Variants in TASP1 observed in about 807,000 individuals in gnomAD.
TASP1 encodes threonine aspartase 1.
A neutral mutation model predicts 56.6 loss-of-function variants in TASP1; 16 were observed. The ratio of observed to expected loss-of-function variants is 0.28; its 90% CI spans 0.19 to 0.43. The LOEUF is 0.43. Ranked by LOEUF, TASP1 falls within the 20% of genes least tolerant of loss-of-function variation. The pLI is 1.00. For missense variants in TASP1, 393 were observed against 511.6 expected (o/e 0.77, Z 2.24); for synonymous variants, 179 against 184.2 (o/e 0.97, Z 0.23).
intron 8 of TASP1, among the ~76,000 whole-genome samples, chr20:13,551,036 ATATATT>A (rs1466478118): frequency 1.3e-5 from 2 of 152,212 alleles, no homozygotes; most frequent in Non-Finnish European, 2.9e-5. Context: ...AAAGAATAGA[ATATATT>A]TATATGAAGG....
At chr20:13,120,029 T>C in the TASP1 span, among the ~76,000 whole-genome samples, 2 of 152,246 alleles carry the variant, frequency 1.3e-5, no homozygotes, top group Admixed American at 1.3e-4. Context: ...AGTTTCATTA[T>C]GTATAATTTC....
At chr20:13,115,225 A>C in the TASP1 span, among the ~76,000 whole-genome samples, 4 of 152,194 alleles carry the variant, frequency 2.6e-5, no homozygotes, top group African/African-American at 9.6e-5. Context: ...GAAAAGGCTC[A>C]ATTCAAATTT....
rs566039156 is a variant in TASP1 at position 13,507,499 on chromosome 20, C to A, written c.874+20934G>T. On this transcript the variant is annotated intron_variant, in intron 10 of 13. Coordinates refer to ENST00000337743, the MANE Select transcript of TASP1 (RefSeq NM_017714.3). The stretch of plus-strand genomic sequence containing the variant: ...GAGCCATGATTGTGCAACTGTACTC[C>A]AGCCTGGGTGACACAGTGAGACCCT... Among the ~76,000 whole-genome samples, 3 of 152,136 alleles carry A rather than the reference C, an allele frequency of 2.0e-5. No individual in the cohort carries two copies. In the East Asian group the frequency reaches 5.8e-4, roughly 29 times the overall value.
chr20:13,229,909 C>T, the TASP1 span, among the ~76,000 whole-genome samples: 1 of 152,168 alleles, frequency 6.6e-6, no homozygotes, highest in Admixed American at 6.5e-5. Context: ...TCTACCTCCT[C>T]CATAGAATTA....
chr20:13,417,179 T>G lies in TASP1; in HGVS notation c.1170+269A>C, dbSNP rs1754823244. ...TTTCCTCTTCTCTACTTATTCACAA[T>G]GGGCAAAAAGGAACAAGCTGGGGGC... On this transcript the variant is annotated intron_variant, in intron 13 of 13. Transcript: ENST00000337743. Among the ~76,000 whole-genome samples the G allele has an allele frequency of 3.3e-5, 5 of 152,198 alleles. No individual in the cohort carries two copies. The South Asian group carries it at 8.3e-4, about 25-fold the overall frequency.
chr20:13,533,206 C>T (rs1311097095), intron 9 of TASP1, among the ~76,000 whole-genome samples: 1 of 152,146 alleles, frequency 6.6e-6, no homozygotes, highest in Non-Finnish European at 1.5e-5. Context: ...CATAACAAGA[C>T]ACATTCCATC....
chr20:13,628,106 T>A (rs949174504), intron 2 of TASP1, among the ~76,000 whole-genome samples: 4 of 152,212 alleles, frequency 2.6e-5, no homozygotes, highest in Middle Eastern at 3.2e-3. Flanking sequence ...CAGGTGGACA[T>A]CCTCAAGCTT....
intron 11 of TASP1, among the ~76,000 whole-genome samples, chr20:13,449,234 A>T (rs897238550): frequency 1.4e-4 from 21 of 152,114 alleles, no homozygotes; most frequent in Non-Finnish European, 1.3e-4. Flanking sequence ...CAAATAATGC[A>T]GGTGAGCAAC....
the TASP1 span, among the ~76,000 whole-genome samples, chr20:13,273,501 G>A: frequency 1.3e-5 from 2 of 152,072 alleles, no homozygotes; most frequent in South Asian, 4.1e-4. Context: ...CTCTCAAAAT[G>A]CGGGGATTAT....
At chr20:13,404,390 G>T (rs1270193899) in intron 13 of TASP1, among the ~76,000 whole-genome samples, 1 of 152,150 alleles carries the variant, frequency 6.6e-6, no homozygotes, top group Admixed American at 6.5e-5. Context: ...ATTGCTTGAG[G>T]CCAACAGTTT....
the TASP1 span, among the ~76,000 whole-genome samples, chr20:13,298,507 C>A: frequency 6.6e-6 from 1 of 152,098 alleles, no homozygotes; most frequent in African/African-American, 2.4e-5. Context: ...AGGAAAATAT[C>A]CTCTTTTTTG....
intron 1 of TASP1, among the ~76,000 whole-genome samples, chr20:13,637,713 T>C (rs972652711): frequency 1.3e-5 from 2 of 152,158 alleles, no homozygotes; most frequent in African/African-American, 4.8e-5. Flanking sequence ...GATTAGTGGT[T>C]ACAAGGCCTG....
chr20:13,415,252 A>G (rs2042216801), intron 13 of TASP1, among the ~76,000 whole-genome samples: 1 of 152,090 alleles, frequency 6.6e-6, no homozygotes, highest in Non-Finnish European at 1.5e-5. Flanking sequence ...GAGGGAGAGG[A>G]AGGTCCAAAG....
chr20:13,139,221 A>C, the TASP1 span, among the ~76,000 whole-genome samples: 1 of 152,210 alleles, frequency 6.6e-6, no homozygotes, highest in Non-Finnish European at 1.5e-5. Context: ...AAACTCCCAC[A>C]GAAAAATTTG....
chr20:13,422,188 T>C (rs1465525523), intron 12 of TASP1, among the ~76,000 whole-genome samples: 1 of 152,050 alleles, frequency 6.6e-6, no homozygotes, highest in Non-Finnish European at 1.5e-5. Context: ...CTCCTGACCT[T>C]GTTATCCGCG....
the TASP1 span, among the ~76,000 whole-genome samples, chr20:13,345,388 C>T: frequency 1.5e-4 from 23 of 152,280 alleles, no homozygotes; most frequent in African/African-American, 1.7e-4. Context: ...CACACCCAAA[C>T]GCCAAGCCCC....
chr20:13,366,887 C>CACAG, the TASP1 span, among the ~76,000 whole-genome samples: 15 of 151,786 alleles, frequency 9.9e-5, no homozygotes, highest in Non-Finnish European at 1.8e-4. Context: ...CACACACACT[C>CACAG]TCTCTCACAC....
chr20:13,475,254 C>A (rs6042146), intron 11 of TASP1, among the ~76,000 whole-genome samples: 1 of 152,146 alleles, frequency 6.6e-6, no homozygotes, highest in Non-Finnish European at 1.5e-5. Flanking sequence ...GACTGCATTC[C>A]TTTGCAAACT....
chr20:13,153,912 G>A, the TASP1 span: 2 of 1,534,098 alleles, frequency 1.3e-6, no homozygotes, highest in East Asian at 2.3e-5. Context: ...CTGGCCTGCA[G>A]AAAGACTTAA....
Sources: allele counts gnomAD v4.1 joint callset (sites outside exome capture counted in the v4.1 genomes callset), GRCh38; gene constraint gnomAD v4.1.1; transcripts MANE v1.5; gene names NCBI Gene and HGNC (gene_info 2026-07-23, HGNC 2026-07-21).